CACNA2D1: variants seen among roughly 807,000 people sequenced by gnomAD.
CACNA2D1 encodes the protein calcium voltage-gated channel auxiliary subunit alpha2delta 1, also known as voltage-dependent calcium channel subunit alpha-2/delta-1.
Under a neutral mutation model 171.5 loss-of-function variants are expected in CACNA2D1, and 53 were observed. The observed-to-expected ratio is 0.31, with a 90% CI of 0.25 to 0.39. The LOEUF is 0.39. CACNA2D1 is among the 10% of genes least tolerant of loss of function. The pLI, the probability that CACNA2D1 is intolerant of heterozygous loss-of-function variation, is 1.00. For synonymous variants in CACNA2D1, 442 were observed against 443.1 expected (o/e 1.00, Z 0.03); for missense variants, 903 against 1,299.8 (o/e 0.69, Z 4.69).
At chr7:82,301,023 T>C (rs1179604368) in intron 3 of CACNA2D1, among the ~76,000 whole-genome samples, 1 of 152,236 alleles carries the variant, frequency 6.6e-6, no homozygotes, top group Non-Finnish European at 1.5e-5. Flanking sequence ...GACATTGCAA[T>C]TTAATTAACA....
At chr7:82,157,651 T>C (rs1794503641) in intron 4 of CACNA2D1, among the ~76,000 whole-genome samples, 1 of 152,028 alleles carries the variant, frequency 6.6e-6, no homozygotes, top group Non-Finnish European at 1.5e-5. Flanking sequence ...GAAGCAGGCT[T>C]ACGTTATCTT....
At chr7:82,138,445 TTTTG>T (rs1563103305) in intron 4 of CACNA2D1, among the ~76,000 whole-genome samples, 1,154 of 55,064 alleles carry the variant, frequency 0.021, 54 homozygotes, top group East Asian at 0.049. Flanking sequence ...TTTTTGTTTT[TTTTG>T]TTTTTTTTTT....
chr7:81,980,822 G>A (rs980577412), intron 24 of CACNA2D1, among the ~76,000 whole-genome samples: 6 of 152,120 alleles, frequency 3.9e-5, no homozygotes, highest in African/African-American at 1.4e-4. Flanking sequence ...AGATACAAGA[G>A]AAAGGAAGCA....
intron 5 of CACNA2D1, among the ~76,000 whole-genome samples, chr7:82,117,631 A>G (rs1024430700): frequency 2.0e-5 from 3 of 152,108 alleles, no homozygotes; most frequent in Non-Finnish European, 4.4e-5. Context: ...ATGACAAATA[A>G]CAGAAAATTA....
At chr7:82,427,716 C>G (rs1357689678) in intron 1 of CACNA2D1, among the ~76,000 whole-genome samples, 2 of 152,192 alleles carry the variant, frequency 1.3e-5, no homozygotes, top group African/African-American at 4.8e-5. Flanking sequence ...TTTAACCAAC[C>G]ATGCAAGTTC....
rs1241807467 is a variant in CACNA2D1 at position 81,947,217 on chromosome 7, C to A, written c.*3175G>T. ...AAATAAGCAAGTAACACTTGGGTTGCAAAGGTCACTTAAAAGGGATACTGC... is the reference window on the plus strand; with the variant it reads ...AAATAAGCAAGTAACACTTGGGTTGAAAAGGTCACTTAAAAGGGATACTGC... On this transcript the variant is annotated 3_prime_UTR_variant, in exon 39 of 39. Transcript: ENST00000356860. 5.3e-5 allele frequency: 8 copies of A among 151,654 alleles called. No homozygotes were observed. The highest frequency in any genetic ancestry group is 5.3e-4 in the Admixed American group (8 of 15,206). 9.4% of individuals were successfully genotyped at this position (151,654 alleles called of 1,614,324 possible).
At chr7:82,317,517 A>C (rs1008613956) in intron 3 of CACNA2D1, among the ~76,000 whole-genome samples, 1 of 152,200 alleles carries the variant, frequency 6.6e-6, no homozygotes, top group East Asian at 1.9e-4. Context: ...TAAAATACTT[A>C]AGGAGGAGCA....
intron 1 of CACNA2D1, among the ~76,000 whole-genome samples, chr7:82,353,644 C>A (rs1018908786): frequency 3.3e-5 from 5 of 151,838 alleles, no homozygotes; most frequent in Non-Finnish European, 7.4e-5. Flanking sequence ...AATCCAAGAA[C>A]AATGGTATCA....
chr7:82,166,700 C>T (rs1795491004), intron 4 of CACNA2D1, among the ~76,000 whole-genome samples: 1 of 151,932 alleles, frequency 6.6e-6, no homozygotes, highest in South Asian at 2.1e-4. Flanking sequence ...TGAAATGTCA[C>T]CTTTAACACC....
chr7:82,427,011 T>C (rs529469559), intron 1 of CACNA2D1, among the ~76,000 whole-genome samples: 1 of 152,336 alleles, frequency 6.6e-6, no homozygotes, highest in Non-Finnish European at 1.5e-5. Context: ...AACTGTATCA[T>C]AGGTAATGTA....
chr7:82,039,096 A>C (rs979486443), intron 10 of CACNA2D1, among the ~76,000 whole-genome samples: 11 of 152,198 alleles, frequency 7.2e-5, no homozygotes, highest in Non-Finnish European at 1.2e-4. Flanking sequence ...CTTGGCACCT[A>C]AACTGTCACA....
At chr7:82,381,246 G>A (rs981395882) in intron 1 of CACNA2D1, among the ~76,000 whole-genome samples, 6 of 151,078 alleles carry the variant, frequency 4.0e-5, no homozygotes, top group Admixed American at 6.6e-5. Context: ...CCCGGCAGGC[G>A]GAGCTTGCAG....
At chr7:82,082,372 A>G (rs1322251236) in intron 7 of CACNA2D1, among the ~76,000 whole-genome samples, 1 of 152,106 alleles carries the variant, frequency 6.6e-6, no homozygotes, top group Admixed American at 6.5e-5. Context: ...GAAGGAATGT[A>G]TGGGTCATCC....
intron 12 of CACNA2D1, among the ~76,000 whole-genome samples, chr7:82,025,633 C>T (rs1801796422): frequency 6.6e-6 from 1 of 151,644 alleles, no homozygotes; most frequent in South Asian, 2.1e-4. Flanking sequence ...TTTCTAGTTT[C>T]ACTCCACTGT....
At chr7:82,193,705 A>G (rs1183434812) in intron 3 of CACNA2D1, among the ~76,000 whole-genome samples, 1 of 151,980 alleles carries the variant, frequency 6.6e-6, no homozygotes, top group Non-Finnish European at 1.5e-5. Context: ...TCCCCCCAAC[A>G]AGCGAAATTC....
At chr7:82,281,667 C>T (rs1485792520) in intron 3 of CACNA2D1, among the ~76,000 whole-genome samples, 1 of 152,052 alleles carries the variant, frequency 6.6e-6, no homozygotes, top group Non-Finnish European at 1.5e-5. Context: ...ACACTGTAAG[C>T]ATATAGCGGG....
chr7:82,022,312 T>C (rs1288929884), intron 12 of CACNA2D1, among the ~76,000 whole-genome samples: 2 of 151,828 alleles, frequency 1.3e-5, no homozygotes, highest in African/African-American at 2.4e-5. Context: ...TATTACATTG[T>C]AGTTATTGTT....
At chr7:82,091,045 A>G (rs1811095083) in intron 6 of CACNA2D1, among the ~76,000 whole-genome samples, 1 of 152,200 alleles carries the variant, frequency 6.6e-6, no homozygotes, top group Non-Finnish European at 1.5e-5. Flanking sequence ...AAAGATGTTA[A>G]TAAGAAGAAA....
At chr7:82,066,184 A>G (rs2128984605) in intron 8 of CACNA2D1, among the ~76,000 whole-genome samples, 1 of 152,244 alleles carries the variant, frequency 6.6e-6, no homozygotes, top group South Asian at 2.1e-4. Flanking sequence ...AATCCATACC[A>G]GCTAAGAGGT....
Sources: gnomAD v4.1 joint callset for allele counts (sites outside exome capture counted in the v4.1 genomes callset) on GRCh38, gnomAD v4.1.1 for gene constraint, MANE v1.5 for transcripts, NCBI Gene and HGNC (gene_info 2026-07-23, HGNC 2026-07-21) for gene names.